Variants in RIPOR3 observed in about 807,000 individuals in gnomAD.
The protein encoded by RIPOR3 is family with sequence similarity 65 member C.
In RIPOR3, 95 loss-of-function variants were observed where a neutral mutation model predicts 114.3. The ratio of observed to expected loss-of-function variants is 0.83; its 90% CI spans 0.70 to 0.99. RIPOR3 has a LOEUF of 0.99. RIPOR3 is among the 50% of genes least tolerant of loss of function. The pLI is 0.00. For synonymous variants in RIPOR3, 575 were observed against 543.8 expected (o/e 1.06, Z -0.80); for missense variants, 1,252 against 1,266.9 (o/e 0.99, Z 0.18).
intron 1 of RIPOR3, among the ~76,000 whole-genome samples, chr20:50,663,742 T>G (rs1278222203): frequency 6.6e-6 from 1 of 152,144 alleles, no homozygotes; most frequent in Non-Finnish European, 1.5e-5. Flanking sequence ...CTCTACTTTC[T>G]GGCTTCCCTA....
At chr20:50,657,748 CTTT>C (rs1272938455) in intron 1 of RIPOR3, among the ~76,000 whole-genome samples, 3 of 109,088 alleles carry the variant, frequency 2.8e-5, no homozygotes, top group Non-Finnish European at 3.8e-5. Context: ...ATGTCTTTTA[CTTT>C]TTTTTTTTTT....
In RIPOR3 at chr20:50,602,184, G is replaced by T; in HGVS notation, c.1547C>A (p.Ala516Asp). ...GACCTCCTGCAGAGGCCCCTCGAGGGCCACGCCAGGCCCGTCCTCTCTGTC... is the reference window on the plus strand; with the variant it reads ...GACCTCCTGCAGAGGCCCCTCGAGGTCCACGCCAGGCCCGTCCTCTCTGTC... The part of the protein sequence containing the change: ...TGDREDGPGV[A>D]LEGPLQEVLE... Residue 516 changes from alanine (A) to aspartate (D), a missense_variant, in exon 13 of 22, where the codon GCC becomes GAC. Physicochemically the swap from Ala to Asp is moderately radical, Grantham distance 126. Coordinates refer to ENST00000327979, the MANE Select transcript of RIPOR3 (RefSeq NM_001290268.2). The surrounding 1 kb of genome is among the most constrained non-coding windows in gnomAD (Gnocchi z 4.3). 1.2e-6 allele frequency: 2 copies of T among 1,613,274 alleles called. No individual in the cohort carries two copies. Among genetic ancestry groups the T allele is most frequent in the South Asian group, 2.2e-5 (2 of 91,044 alleles).
At chr20:50,590,277 CTT>C (rs1365300857) in intron 19 of RIPOR3, among the ~76,000 whole-genome samples, 2 of 152,236 alleles carry the variant, frequency 1.3e-5, no homozygotes, top group Non-Finnish European at 2.9e-5. Flanking sequence ...TTGGGCCTAA[CTT>C]GACTCAGCTG....
chr20:50,602,735 T>G lies in RIPOR3; in HGVS notation c.1087-91A>C, dbSNP rs1198195670. The G allele has an allele frequency of 3.1e-6, 3 of 978,306 alleles. No homozygotes were observed. The highest frequency in any genetic ancestry group is 3.4e-5 in the Admixed American group (1 of 29,698). 60.6% of individuals were successfully genotyped at this position (978,306 alleles called of 1,614,324 possible). Reference sequence around the variant, plus strand: ...GGCTTCCCCTGACAGACACCCGCTGTGCATGCCCATGTTCTCAGGATGACT... The same window carrying G: ...GGCTTCCCCTGACAGACACCCGCTGGGCATGCCCATGTTCTCAGGATGACT... On this transcript the variant is annotated intron_variant, in intron 12 of 21. Transcript: ENST00000327979. The surrounding 1 kb of genome is among the most constrained non-coding windows in gnomAD (Gnocchi z 4.3).
chr20:50,596,148 G>C lies in RIPOR3; in HGVS notation c.1906C>G (p.Leu636Val). Reference sequence around the variant, plus strand: ...TCCCCTAGCCCAGCCACCTGCAGCAGAGCTTTGCAGACTTGGAGGTGTACC... The same window carrying C: ...TCCCCTAGCCCAGCCACCTGCAGCACAGCTTTGCAGACTTGGAGGTGTACC... Reference protein sequence around the residue: ...LMVHLQVCKALLQKLASPNLS... With the variant: ...LMVHLQVCKAVLQKLASPNLS... Residue 636 changes from leucine (L) to valine (V), a missense_variant, in exon 15 of 22, where the codon CTG becomes GTG. Physicochemically the swap from Leu to Val is conservative, Grantham distance 32. Coordinates refer to ENST00000327979, the MANE Select transcript of RIPOR3 (RefSeq NM_001290268.2). 1 of 1,614,180 alleles carries C rather than the reference G, an allele frequency of 6.2e-7. No individual in the cohort carries two copies.
At chr20:50,687,621 G>A (rs1311652239) in intron 1 of RIPOR3, among the ~76,000 whole-genome samples, 3 of 152,192 alleles carry the variant, frequency 2.0e-5, no homozygotes, top group Admixed American at 1.3e-4. Context: ...ATTGACGTAG[G>A]CTGGGCGCAG....
At chr20:50,610,655 C>T (rs2083943788) in intron 6 of RIPOR3, among the ~76,000 whole-genome samples, 198 bp downstream of exon 6, 2 of 152,144 alleles carry the variant, frequency 1.3e-5, no homozygotes, top group Non-Finnish European at 2.9e-5. Context: ...CCCCCTGACT[C>T]CCACCTCAGG....
In RIPOR3 at chr20:50,608,600, G is replaced by T; in HGVS notation, c.810+13C>A. 6.2e-7 allele frequency: 1 copy of T among 1,613,868 alleles called. No homozygotes were observed. Among genetic ancestry groups the T allele is most frequent in the Non-Finnish European group, 8.5e-7 (1 of 1,179,838 alleles). Reference sequence around the variant, plus strand: ...CCAGGCACCCCAGCCCTGCCCCCGGGCCCCATCCCCACCTTGATGTCCAGG... The same window carrying T: ...CCAGGCACCCCAGCCCTGCCCCCGGTCCCCATCCCCACCTTGATGTCCAGG... On this transcript the variant is annotated intron_variant, in intron 10 of 21. Coordinates refer to ENST00000327979, the MANE Select transcript of RIPOR3 (RefSeq NM_001290268.2).
At chr20:50,632,357 G>A (rs996539936) in intron 1 of RIPOR3, among the ~76,000 whole-genome samples, 2 of 152,188 alleles carry the variant, frequency 1.3e-5, no homozygotes, top group Non-Finnish European at 2.9e-5. Flanking sequence ...AGCATGTCCC[G>A]AGAGCCCACA....
At chr20:50,671,426 GCGCA>G (rs1477876958) in intron 1 of RIPOR3, among the ~76,000 whole-genome samples, 96 of 112,614 alleles carry the variant, frequency 8.5e-4, no homozygotes, top group African/African-American at 1.1e-3. Context: ...GCACGCGCGC[GCGCA>G]CACACACACA....
intron 1 of RIPOR3, among the ~76,000 whole-genome samples, chr20:50,666,198 TTTTC>T (rs1482382772): frequency 2.1e-5 from 2 of 96,754 alleles, no homozygotes; most frequent in East Asian, 2.7e-4. Flanking sequence ...TTTTCTTTTC[TTTTC>T]TTTTCTTTTC....
chr20:50,688,845 A>G (rs1302369581), intron 1 of RIPOR3, among the ~76,000 whole-genome samples: 2 of 152,150 alleles, frequency 1.3e-5, no homozygotes, highest in Non-Finnish European at 2.9e-5. Context: ...AGGCACTCGA[A>G]ATACCCCTTT....
rs771344925 is a variant in RIPOR3, at chr20:50,609,276, CCT to C, written c.640+15_640+16del. The C allele has an allele frequency of 7.4e-6, 12 of 1,612,974 alleles. No individual in the cohort carries two copies. In the Admixed American group the frequency reaches 1.8e-4, roughly 25 times the overall value. ...CCTCCAGAAAGGCCTCCGCCCACCC[CCT>C]CTCAGCCCTGTTACCTTTCATCCTG... On this transcript the variant is annotated intron_variant, in intron 8 of 21. Coordinates refer to ENST00000327979, the MANE Select transcript of RIPOR3 (RefSeq NM_001290268.2).
At chr20:50,654,871 G>A (rs1039929497) in intron 1 of RIPOR3, among the ~76,000 whole-genome samples, 12 of 151,972 alleles carry the variant, frequency 7.9e-5, no homozygotes, top group Admixed American at 6.6e-4. Context: ...TCAACTCCCC[G>A]AGTAGCTGGG....
At chr20:50,674,443 G>C (rs143420629) in intron 1 of RIPOR3, among the ~76,000 whole-genome samples, 2 of 151,952 alleles carry the variant, frequency 1.3e-5, no homozygotes, top group African/African-American at 4.8e-5. Flanking sequence ...TATGCACTGA[G>C]CAAATTCCGT....
rs550855980 is a variant in RIPOR3, at chr20:50,609,327, C to G, written c.606G>C (p.Glu202Asp). The change falls in exon 8 of 22, where the codon GAG becomes GAC. Residue 202 changes from glutamate to aspartate, a missense_variant. Glu to Asp is a conservative substitution (Grantham distance 45, BLOSUM62 2). Transcript: ENST00000327979. ...EDMWLIEGALEVHLGEFHIRM... is the reference protein window; with the variant it reads ...EDMWLIEGALDVHLGEFHIRM... The stretch of plus-strand genomic sequence containing the variant: ...TGATGTGGAACTCGCCCAGGTGAAC[C>G]TCCAGGGCCCCCTCGATGAGCCACA... 3 of 1,613,942 alleles carry G rather than the reference C, an allele frequency of 1.9e-6. No homozygotes were observed. The Admixed American group carries it at 5.0e-5, about 27-fold the overall frequency.
At chr20:50,650,366 A>G (rs2085556222) in intron 1 of RIPOR3, among the ~76,000 whole-genome samples, 1 of 152,058 alleles carries the variant, frequency 6.6e-6, no homozygotes, top group South Asian at 2.1e-4. Flanking sequence ...GCAGTGGCGC[A>G]ATCTCTGCTC....
At chr20:50,595,217 A>G in intron 16 of RIPOR3, 152 bp downstream of exon 16, 1 of 957,142 alleles carries the variant, frequency 1.0e-6, no homozygotes, top group South Asian at 1.6e-5. Flanking sequence ...CCCCACAAAG[A>G]GTGTGTATCT....
At chr20:50,608,289 C>G (rs566069174) in intron 11 of RIPOR3, 100 bp downstream of exon 11, 1 of 1,552,168 alleles carries the variant, frequency 6.4e-7, no homozygotes, top group Admixed American at 1.8e-5. Context: ...CAGGGACACC[C>G]TTGGCAGAGG....
Sources: gnomAD v4.1 joint callset for allele counts (sites outside exome capture counted in the v4.1 genomes callset) on GRCh38, gnomAD v4.1.1 for gene constraint, Gnocchi (gnomAD v3.1) non-coding constraint, MANE v1.5 for transcripts, NCBI Gene and HGNC (gene_info 2026-07-23, HGNC 2026-07-21) for gene names.